ARHGAP26: variants seen among roughly 807,000 people sequenced by gnomAD.
ARHGAP26 encodes the protein rho GTPase-activating protein 26.
Under a neutral mutation model 104.8 loss-of-function variants are expected in ARHGAP26, and 38 were observed. The observed-to-expected ratio is 0.36, with a 90% CI of 0.28 to 0.48. ARHGAP26 has a LOEUF of 0.48. ARHGAP26 is among the 20% of genes least tolerant of loss of function. The pLI is 0.99. For missense variants in ARHGAP26, 704 were observed against 947.9 expected, an observed-to-expected ratio of 0.74 and a Z score of 3.38; for synonymous variants, 341 against 340.0, an observed-to-expected ratio of 1.00 and a Z score of -0.03.
intron 5 of ARHGAP26, among the ~76,000 whole-genome samples, chr5:142,890,161 T>A (rs1279391963): frequency 0.016 from 931 of 56,698 alleles, 9 homozygotes; most frequent in African/African-American, 0.046. Flanking sequence ...AATATATATA[T>A]ATATATATAT....
At chr5:143,101,678 T>C (rs185085482) in intron 17 of ARHGAP26, among the ~76,000 whole-genome samples, 70 of 152,114 alleles carry the variant, frequency 4.6e-4, no homozygotes, top group African/African-American at 1.6e-3. Context: ...ACACACACAC[T>C]GTTGCCTTGA....
chr5:142,977,330 T>G (rs1773245282), intron 11 of ARHGAP26, among the ~76,000 whole-genome samples: 2 of 152,166 alleles, frequency 1.3e-5, no homozygotes, highest in South Asian at 4.1e-4. Flanking sequence ...TTTCACAATT[T>G]GTGGCATTGC....
At chr5:142,982,994 G>C (rs182290519) in intron 11 of ARHGAP26, among the ~76,000 whole-genome samples, 2 of 152,134 alleles carry the variant, frequency 1.3e-5, no homozygotes, top group Non-Finnish European at 1.5e-5. Context: ...TGGTTATTTC[G>C]TGCAGGTGAC....
intron 22 of ARHGAP26, among the ~76,000 whole-genome samples, chr5:143,219,503 T>C (rs1431349355): frequency 6.6e-6 from 1 of 152,134 alleles, no homozygotes; most frequent in African/African-American, 2.4e-5. Context: ...CCATGAATAC[T>C]ATGTGGAATG....
At chr5:143,172,832 A>G (rs1008755132) in intron 20 of ARHGAP26, 1 of 162,436 alleles carries the variant, frequency 6.2e-6, no homozygotes, top group Non-Finnish European at 1.4e-5. Flanking sequence ...CATGACATGT[A>G]TTCTAAATTG....
chr5:143,029,853 CTTG>C (rs1393106250), intron 12 of ARHGAP26, among the ~76,000 whole-genome samples: 1 of 152,046 alleles, frequency 6.6e-6, no homozygotes, highest in Non-Finnish European at 1.5e-5. Flanking sequence ...CTAGGAAAAA[CTTG>C]TTGAATACCA....
At chr5:143,209,677 A>G (rs1282386647) in intron 21 of ARHGAP26, among the ~76,000 whole-genome samples, 3 of 152,006 alleles carry the variant, frequency 2.0e-5, no homozygotes, top group Non-Finnish European at 4.4e-5. Context: ...GCTACTCAGG[A>G]GGCTAAGGCA....
At chr5:142,988,652 A>G (rs1024086747) in intron 11 of ARHGAP26, among the ~76,000 whole-genome samples, 30 of 152,292 alleles carry the variant, frequency 2.0e-4, no homozygotes, top group South Asian at 8.3e-4. Flanking sequence ...CACTCTACAC[A>G]CAGCTTTAAA....
At chr5:142,805,171 C>T (rs892258332) in intron 1 of ARHGAP26, among the ~76,000 whole-genome samples, 8 of 149,488 alleles carry the variant, frequency 5.4e-5, no homozygotes, top group Admixed American at 3.3e-4. Flanking sequence ...GGCGCAATCT[C>T]GGCTCACTGC....
chr5:142,888,207 TA>T (rs1275598844), intron 5 of ARHGAP26, among the ~76,000 whole-genome samples: 1 of 152,336 alleles, frequency 6.6e-6, no homozygotes, highest in Admixed American at 6.5e-5. Context: ...TCAGATAGGA[TA>T]AATAGCTTAG....
intron 11 of ARHGAP26, among the ~76,000 whole-genome samples, chr5:142,996,243 C>G (rs1776367711): frequency 6.6e-6 from 1 of 152,102 alleles, no homozygotes; most frequent in African/African-American, 2.4e-5. Context: ...CCTGTAATCC[C>G]AGCACTTTGA....
intron 11 of ARHGAP26, among the ~76,000 whole-genome samples, chr5:142,951,849 A>G (rs1028064320): frequency 3.3e-5 from 5 of 152,202 alleles, no homozygotes; most frequent in African/African-American, 1.2e-4. Context: ...TAGAGTTACC[A>G]TCACAACTTC....
At chr5:143,134,144 G>A (rs1376741309) in intron 19 of ARHGAP26, 39 bp downstream of exon 19, 1 of 1,578,290 alleles carries the variant, frequency 6.3e-7, no homozygotes, top group East Asian at 2.3e-5. Context: ...GGCATTCAGG[G>A]ACATCCCATG....
At chr5:142,954,099 A>G (rs1768829064) in intron 11 of ARHGAP26, among the ~76,000 whole-genome samples, 2 of 152,190 alleles carry the variant, frequency 1.3e-5, no homozygotes, top group African/African-American at 4.8e-5. Flanking sequence ...TATGCGTTCT[A>G]ACCCCACAGC....
chr5:143,187,546 T>G (rs2151227915), intron 20 of ARHGAP26, among the ~76,000 whole-genome samples: 1 of 152,284 alleles, frequency 6.6e-6, no homozygotes, highest in East Asian at 1.9e-4. Context: ...GTGTGGAAGC[T>G]TTTTTCTGAG....
rs1811798645 is a variant in ARHGAP26, at chr5:143,228,039, A to G, written c.*5593A>G. 1 of 220,188 alleles carries G rather than the reference A, an allele frequency of 4.5e-6. No homozygotes were observed. Among genetic ancestry groups the G allele is most frequent in the African/African-American group, 2.2e-5 (1 of 44,644 alleles). 13.6% of individuals were successfully genotyped at this position (220,188 alleles called of 1,614,324 possible). A position where few individuals can be genotyped will look rare whatever the true frequency, so the allele number is the denominator to read the frequency against. ...ACATGTCCATGTCAAAATTCACTTT[A>G]GTCAGAACCAGAGTATTGATAAACA... On this transcript the variant is annotated 3_prime_UTR_variant, in exon 23 of 23. Coordinates refer to ENST00000645722, the MANE Select transcript of ARHGAP26 (RefSeq NM_001135608.3).
At position 142,839,942 on chromosome 5, in the gene ARHGAP26, C is replaced by T. The variant is rs774886006; in HGVS notation, c.155-33458C>T. ...GGGGAGAGAGAGACTGAGCTAGCCT[C>T]TGGAGTTATGCGTATTATTTTCCCC... On this transcript the variant is annotated intron_variant, in intron 1 of 22. Coordinates refer to ENST00000645722, the MANE Select transcript of ARHGAP26 (RefSeq NM_001135608.3). 1.4e-4 allele frequency among the ~76,000 whole-genome samples: 21 copies of T among 151,822 alleles called. 1 individual carries two copies. Among genetic ancestry groups the T allele is most frequent in the Non-Finnish European group, 2.8e-4 (19 of 67,920 alleles).
Position 142,932,251 on chromosome 5 carries a change from G to C in ARHGAP26, c.1107+126G>C, listed in dbSNP as rs369065706. 41 of 804,308 alleles carry C rather than the reference G, an allele frequency of 5.1e-5. No individual in the cohort carries two copies. The African/African-American group carries it at 6.2e-4, about 12-fold the overall frequency. 49.8% of individuals were successfully genotyped at this position (804,308 alleles called of 1,614,324 possible). ...TCTTGAAACCAGTGTACCAGAGGTG[G>C]TTTTTTATTCCTAGGTTTATGTTTG... On this transcript the variant is annotated intron_variant, in intron 11 of 22. Coordinates refer to ENST00000645722, the MANE Select transcript of ARHGAP26 (RefSeq NM_001135608.3).
chr5:142,869,213 T>C (rs1343490460), intron 1 of ARHGAP26, among the ~76,000 whole-genome samples: 2 of 148,914 alleles, frequency 1.3e-5, no homozygotes, highest in African/African-American at 2.5e-5. Context: ...TTTTTCTTTT[T>C]TTTTTTTTTT....
Sources: allele counts gnomAD v4.1 joint callset (sites outside exome capture counted in the v4.1 genomes callset), GRCh38; gene constraint gnomAD v4.1.1; transcripts MANE v1.5; gene names NCBI Gene and HGNC (gene_info 2026-07-23, HGNC 2026-07-21).